Variants in HGSNAT observed in about 807,000 individuals in gnomAD.
The protein encoded by HGSNAT is transmembrane protein 76.
In HGSNAT, 59 loss-of-function variants were observed where a neutral mutation model predicts 85.2. That is an observed-to-expected ratio of 0.69 (90% CI 0.56 to 0.86). The LOEUF (loss-of-function observed/expected upper bound fraction) is 0.86, where lower values mean the gene tolerates loss of function less well. Among genes scored for constraint, HGSNAT ranks in the 40% least tolerant of loss-of-function variants. HGSNAT has a pLI of 0.00. For synonymous variants in HGSNAT, 321 were observed against 304.5 expected (o/e 1.05, Z -0.56); for missense variants, 756 against 777.1 (o/e 0.97, Z 0.32).
intron 7 of HGSNAT, 42 bp downstream of exon 7, chr8:43,170,736 C>T: frequency 1.6e-6 from 2 of 1,240,584 alleles, no homozygotes; most frequent in Non-Finnish European, 2.3e-6. Flanking sequence ...CAGGTAGTCA[C>T]AGGACTACAT....
chr8:43,172,753 G>A (rs1474936918), intron 8 of HGSNAT, among the ~76,000 whole-genome samples: 1 of 152,168 alleles, frequency 6.6e-6, no homozygotes. Flanking sequence ...CTGTCTTCTA[G>A]GACTTATGGT....
At chr8:43,166,688 G>A (rs1408629354) in intron 5 of HGSNAT, among the ~76,000 whole-genome samples, 6 of 152,180 alleles carry the variant, frequency 3.9e-5, no homozygotes, top group Non-Finnish European at 7.3e-5. Flanking sequence ...TTGTTTTCAT[G>A]CCTGTAACAC....
chr8:43,188,374 C>T (rs371676336), intron 11 of HGSNAT, among the ~76,000 whole-genome samples: 31 of 152,248 alleles, frequency 2.0e-4, no homozygotes, highest in African/African-American at 6.0e-4. Flanking sequence ...CTTCTTTTCT[C>T]GCTTCATTTC....
chr8:43,181,792 T>C, intron 10 of HGSNAT: 1 of 243,314 alleles, frequency 4.1e-6, no homozygotes, highest in Non-Finnish European at 8.0e-6. Context: ...TGCGGGTTGA[T>C]TGCAAATTCC....
chr8:43,202,568 A>G lies in HGSNAT; in HGVS notation c.*2999A>G, dbSNP rs1429023571. On this transcript the variant is annotated 3_prime_UTR_variant, in exon 18 of 18. Coordinates refer to ENST00000379644, the MANE Select transcript of HGSNAT (RefSeq NM_152419.3). ...CTAAGTAATGGAGCAAAAAAATTCT[A>G]TTCTGTAGAATGGGGAGAGAAAATG... The G allele has an allele frequency of 6.6e-6, 1 of 152,180 alleles. No homozygotes were observed. The highest frequency in any genetic ancestry group is 1.5e-5 in the Non-Finnish European group (1 of 68,016). 9.4% of individuals were successfully genotyped at this position (152,180 alleles called of 1,614,324 possible).
At chr8:43,185,218 T>A (rs1804265920) in intron 11 of HGSNAT, among the ~76,000 whole-genome samples, 1 of 152,232 alleles carries the variant, frequency 6.6e-6, no homozygotes, top group South Asian at 2.1e-4. Context: ...ATCTATAAAT[T>A]ACCTTGGGCA....
At chr8:43,187,525 C>T (rs1000044193) in intron 11 of HGSNAT, among the ~76,000 whole-genome samples, 1 of 152,126 alleles carries the variant, frequency 6.6e-6, no homozygotes, top group African/African-American at 2.4e-5. Context: ...TTATTTTGAG[C>T]CTATGTGTGT....
intron 14 of HGSNAT, among the ~76,000 whole-genome samples, chr8:43,195,530 AGAG>A (rs924186812): frequency 5.8e-5 from 6 of 103,182 alleles, no homozygotes; most frequent in Non-Finnish European, 8.0e-5. Context: ...AAGAGGAGGA[AGAG>A]GAGGAGGGAG....
intron 12 of HGSNAT, 50 bp from the exon 13 acceptor site, chr8:43,192,254 G>C (rs181418521): frequency 6.4e-7 from 1 of 1,566,722 alleles, no homozygotes; most frequent in East Asian, 2.3e-5. Context: ...TTGTCCCTCT[G>C]TTCGCCCTTA....
intron 2 of HGSNAT, 67 bp downstream of exon 2, chr8:43,147,130 C>A: frequency 1.1e-6 from 1 of 882,160 alleles, no homozygotes; most frequent in Non-Finnish European, 1.8e-6. Context: ...TTAATGCTCT[C>A]ATGTCTAAAG....
At chr8:43,173,819 C>T (rs1212019495) in intron 9 of HGSNAT, 76 bp downstream of exon 9, 2 of 1,470,216 alleles carry the variant, frequency 1.4e-6, no homozygotes, top group South Asian at 2.4e-5. Flanking sequence ...GCTGGAGCCT[C>T]TCTTCTGAGA....
At position 43,194,446 on chromosome 8, in the gene HGSNAT, A is replaced by G. The variant is rs139524860; in HGVS notation, c.1464+603A>G. 287 of 985,390 alleles carry G rather than the reference A, an allele frequency of 2.9e-4. No homozygotes were observed. In the African/African-American group the frequency reaches 4.8e-3, roughly 16 times the overall value. The allele number at this position is 985,390 out of a possible 1,614,324, so 61.0% of individuals were successfully genotyped here. ...GATGGAGTGTGCAGAGTGTGTGGGT[A>G]TTGGTAACATTGGGAAGTCACTGTG... On this transcript the variant is annotated intron_variant, in intron 14 of 17. Coordinates refer to ENST00000379644, the MANE Select transcript of HGSNAT (RefSeq NM_152419.3).
chr8:43,143,493 C>T (rs1802615071), intron 1 of HGSNAT, among the ~76,000 whole-genome samples: 1 of 151,902 alleles, frequency 6.6e-6, no homozygotes, highest in African/African-American at 2.4e-5. Context: ...CTTCAGGCCT[C>T]AGATGCCTCA....
At chr8:43,151,550 C>CG (rs1802919363) in intron 2 of HGSNAT, among the ~76,000 whole-genome samples, 1 of 152,036 alleles carries the variant, frequency 6.6e-6, no homozygotes, top group Non-Finnish European at 1.5e-5. Flanking sequence ...TTTCACAAAA[C>CG]ACTCATCATA....
At chr8:43,196,741 A>G in intron 14 of HGSNAT, 1 of 596,636 alleles carries the variant, frequency 1.7e-6, no homozygotes, top group Non-Finnish European at 3.0e-6. Context: ...CTCCCCAGAG[A>G]GGGCGTTCAT....
intron 1 of HGSNAT, among the ~76,000 whole-genome samples, chr8:43,144,186 G>C (rs951667573): frequency 6.6e-6 from 1 of 151,882 alleles, no homozygotes; most frequent in Non-Finnish European, 1.5e-5. Context: ...TTAGCTGGAT[G>C]TGCTGGCATG....
At position 43,158,607 on chromosome 8, in the gene HGSNAT, G is replaced by C; in HGVS notation, c.267G>C (p.Gln89His). Residue 89 changes from glutamine (Q) to histidine (H), a missense_variant, in exon 3 of 18, where the codon CAG (glutamine) becomes CAC (histidine). Physicochemically the swap from Gln to His is conservative, Grantham distance 24. Transcript: ENST00000379644. ...CLFQVLVNVP[Q>H]SPKAGKPSAA... ...TTCAGGTTCTGGTAAACGTTCCTCA[G>C]AGTCCAAAAGCAGGGAAGCCTAGTG... 6.2e-7 allele frequency: 1 copy of C among 1,613,924 alleles called. No homozygotes were observed. The highest frequency in any genetic ancestry group is 8.5e-7 in the Non-Finnish European group (1 of 1,179,866).
At position 43,197,921 on chromosome 8, in the gene HGSNAT, G is replaced by T. The variant is rs767535336; in HGVS notation, c.1695G>T (p.Gly565=). ...LVLYPVVDVK[G]LWTGTPFFYP... ...TGTACCCAGTTGTGGATGTGAAGGG[G>T]CTGTGGACAGGAACCCCATTCTTTT... is the stretch of plus-strand genomic sequence containing the variant. The change falls in exon 17 of 18, where the codon GGG becomes GGT. Residue 565 remains glycine (G), a synonymous_variant. Transcript: ENST00000379644. 1 of 1,613,770 alleles carries T rather than the reference G, an allele frequency of 6.2e-7. No homozygotes were observed. The highest frequency in any genetic ancestry group is 1.1e-5 in the South Asian group (1 of 91,062).
At chr8:43,164,717 G>T (rs1803377270) in intron 5 of HGSNAT, among the ~76,000 whole-genome samples, 1 of 152,144 alleles carries the variant, frequency 6.6e-6, no homozygotes, top group African/African-American at 2.4e-5. Flanking sequence ...GGAAGTGGAG[G>T]TTTGCAGTGA....
Sources: gnomAD v4.1 joint callset for allele counts (sites outside exome capture counted in the v4.1 genomes callset) on GRCh38, gnomAD v4.1.1 for gene constraint, MANE v1.5 for transcripts, NCBI Gene and HGNC (gene_info 2026-07-23, HGNC 2026-07-21) for gene names.